Variants in YEATS4 observed in about 807,000 individuals in gnomAD.
YEATS4 encodes YEATS domain containing 4.
YEATS4 carries 17 observed loss-of-function variants against 30.1 expected under a neutral mutation model. That is an observed-to-expected ratio of 0.56 (90% CI 0.39 to 0.85). The LOEUF (loss-of-function observed/expected upper bound fraction) is 0.85, where lower values mean the gene tolerates loss of function less well. Ranked by LOEUF, YEATS4 falls within the 40% of genes least tolerant of loss-of-function variation. The probability of loss-of-function intolerance (pLI) is 0.00; values close to 1 mark genes in which losing one functional copy is unlikely to be tolerated. For synonymous variants in YEATS4, 85 were observed against 87.5 expected (o/e 0.97, Z 0.16); for missense variants, 142 against 268.3 (o/e 0.53, Z 3.29).
chr12:69,390,466 A>G lies in YEATS4; in HGVS notation c.*150A>G. On this transcript the variant is annotated 3_prime_UTR_variant, in exon 7 of 7. Coordinates refer to ENST00000247843, the MANE Select transcript of YEATS4 (RefSeq NM_006530.4). Reference sequence around the variant, plus strand: ...GAATTTCTTAGCAATAGGAATTTGTACTATTTAAGCAATCTTTAATGGAAA... The same window carrying G: ...GAATTTCTTAGCAATAGGAATTTGTGCTATTTAAGCAATCTTTAATGGAAA... 1.5e-6 allele frequency: 1 copy of G among 658,426 alleles called. No individual in the cohort carries two copies. Among genetic ancestry groups the G allele is most frequent in the Non-Finnish European group, 2.4e-6 (1 of 425,042 alleles). The allele number at this position is 658,426 out of a possible 1,614,324, so 40.8% of individuals were successfully genotyped here.
At chr12:69,387,127 A>G (rs4761157) in intron 6 of YEATS4, among the ~76,000 whole-genome samples, 61,058 of 152,016 alleles carry the variant, frequency 0.4, 12,561 homozygotes, top group Non-Finnish European at 0.46. Context: ...AAAGCTGTAT[A>G]TAGCTCTTAC....
At chr12:69,363,133 C>T (rs1246020087) in intron 2 of YEATS4, among the ~76,000 whole-genome samples, 2 of 151,680 alleles carry the variant, frequency 1.3e-5, no homozygotes, top group Non-Finnish European at 2.9e-5. Flanking sequence ...GCTGGGACTA[C>T]AGGCGCCCGC....
chr12:69,379,484 C>T (rs1875986430), intron 6 of YEATS4, among the ~76,000 whole-genome samples: 2 of 151,840 alleles, frequency 1.3e-5, no homozygotes, highest in South Asian at 4.2e-4. Context: ...ATGATCTTGG[C>T]TCACTGCAAC....
intron 6 of YEATS4, 59 bp from the exon 7 acceptor site, chr12:69,390,088 T>A: frequency 7.4e-7 from 1 of 1,356,892 alleles, no homozygotes; most frequent in Non-Finnish European, 9.9e-7. Context: ...TTTATTACCC[T>A]GTCATATATC....
At chr12:69,369,491 A>G (rs1480401203) in intron 4 of YEATS4, among the ~76,000 whole-genome samples, 1 of 152,214 alleles carries the variant, frequency 6.6e-6, no homozygotes, top group Non-Finnish European at 1.5e-5. Flanking sequence ...GAGAAAGTCA[A>G]GAGGCCTAGC....
chr12:69,368,216 G>C (rs315132), intron 4 of YEATS4, among the ~76,000 whole-genome samples: 106,408 of 152,072 alleles, frequency 0.7, 37,800 homozygotes, highest in African/African-American at 0.83. Flanking sequence ...AGAAAGACAA[G>C]TTGGTTGGAA....
At chr12:69,379,962 T>C (rs897662241) in intron 6 of YEATS4, among the ~76,000 whole-genome samples, 2 of 152,196 alleles carry the variant, frequency 1.3e-5, no homozygotes, top group African/African-American at 4.8e-5. Context: ...TCCATTTATT[T>C]ATTAAATTTA....
chr12:69,422,981 C>T, the YEATS4 span: 43,803 of 152,134 alleles, frequency 0.29, 7,142 homozygotes, highest in Non-Finnish European at 0.37. Flanking sequence ...ATGACCTCCG[C>T]GAAAGCCCGT....
At chr12:69,386,654 A>G (rs111350767) in intron 6 of YEATS4, among the ~76,000 whole-genome samples, 1 of 152,120 alleles carries the variant, frequency 6.6e-6, no homozygotes, top group African/African-American at 2.4e-5. Context: ...GTGGGGAGAG[A>G]GGGTATAGGG....
At chr12:69,364,286 T>TAAAA in intron 2 of YEATS4, 2 of 331,398 alleles carry the variant, frequency 6.0e-6, no homozygotes, top group Admixed American at 7.9e-5. Flanking sequence ...ACTCCATCTC[T>TAAAA]ACAGAAAAAA....
Position 69,363,369 on chromosome 12 carries a change from G to C in YEATS4, c.171+462G>C, listed in dbSNP as rs538668213. Among the ~76,000 whole-genome samples, 7 of 151,988 alleles carry C rather than the reference G, an allele frequency of 4.6e-5. No homozygotes were observed. The South Asian group carries it at 1.5e-3, about 32-fold the overall frequency. On this transcript the variant is annotated intron_variant, in intron 2 of 6. Transcript: ENST00000247843. ...GTAGGAATGTTGTCAAAAAGTTTTTGAAAAAATAGAGAACTGTCATCTTCA... is the reference window on the plus strand; with the variant it reads ...GTAGGAATGTTGTCAAAAAGTTTTTCAAAAAATAGAGAACTGTCATCTTCA...
intron 2 of YEATS4, among the ~76,000 whole-genome samples, chr12:69,363,560 T>C (rs182327670): frequency 2.4e-4 from 37 of 152,322 alleles, no homozygotes; most frequent in African/African-American, 8.7e-4. Context: ...ATCCTTAAAG[T>C]AATAATGTGG....
chr12:69,361,956 T>C (rs545325814), intron 1 of YEATS4, among the ~76,000 whole-genome samples: 1 of 152,254 alleles, frequency 6.6e-6, no homozygotes, highest in African/African-American at 2.4e-5. Flanking sequence ...AATCAGTTTA[T>C]TTTTTAAAAG....
At chr12:69,411,226 C>T in the YEATS4 span, among the ~76,000 whole-genome samples, 1 of 152,160 alleles carries the variant, frequency 6.6e-6, no homozygotes, top group Non-Finnish European at 1.5e-5. Flanking sequence ...ACCTCTCTGG[C>T]TCAGGTGATC....
At chr12:69,417,909 A>T in the YEATS4 span, among the ~76,000 whole-genome samples, 3 of 139,616 alleles carry the variant, frequency 2.1e-5, no homozygotes, top group African/African-American at 7.4e-5. Flanking sequence ...AATGCCCCTT[A>T]AAAAAACTGC....
chr12:69,411,277 G>C, the YEATS4 span, among the ~76,000 whole-genome samples: 1 of 152,120 alleles, frequency 6.6e-6, no homozygotes, highest in South Asian at 2.1e-4. Flanking sequence ...CCGCAGGCCT[G>C]TGTCACCACA....
intron 1 of YEATS4, among the ~76,000 whole-genome samples, chr12:69,362,013 G>GTTTTTGTTTTTTTTTTTTTTT (rs1555174243): frequency 1.3e-4 from 9 of 69,070 alleles, no homozygotes; most frequent in Admixed American, 1.6e-4. Context: ...GTGTTTGGTT[G>GTTTTTGTTTTTTTTTTTTTTT]TTTTTTTTTT....
At chr12:69,410,664 C>T in the YEATS4 span, among the ~76,000 whole-genome samples, 1 of 152,148 alleles carries the variant, frequency 6.6e-6, no homozygotes, top group Non-Finnish European at 1.5e-5. Flanking sequence ...TGTTTTGAGT[C>T]GCCGGAGGAT....
chr12:69,365,177 C>T (rs529640780), intron 2 of YEATS4, among the ~76,000 whole-genome samples: 6 of 151,814 alleles, frequency 4.0e-5, no homozygotes, highest in South Asian at 2.1e-4. Context: ...AGGCCAGGTG[C>T]GGTGGCTCAC....
Sources: allele counts gnomAD v4.1 joint callset (sites outside exome capture counted in the v4.1 genomes callset), GRCh38; gene constraint gnomAD v4.1.1; transcripts MANE v1.5; gene names NCBI Gene and HGNC (gene_info 2026-07-23, HGNC 2026-07-21).